The following UBL3 variants were observed in gnomAD, a reference collection of about 807,000 sequenced individuals.
UBL3 encodes ubiquitin like 3, also known as ubiquitin-like protein 3.
UBL3 carries 6 observed loss-of-function variants against 18.4 expected under a neutral mutation model. The ratio of observed to expected loss-of-function variants is 0.33; its 90% confidence interval spans 0.18 to 0.64. UBL3 has a LOEUF of 0.64. Ranked by LOEUF, UBL3 falls within the 30% of genes least tolerant of loss-of-function variation. UBL3 has a pLI of 0.76. For synonymous variants in UBL3, 49 were observed against 46.6 expected (o/e 1.05, Z -0.21); for missense variants, 109 against 142.9 (o/e 0.76, Z 1.21).
chr13:29,779,206 A>T (rs1877079452), intron 1 of UBL3: 1 of 501,376 alleles, frequency 2.0e-6, no homozygotes, highest in Non-Finnish European at 4.0e-6. Context: ...CAAGGAACCT[A>T]ACATCTATGC....
intron 2 of UBL3, among the ~76,000 whole-genome samples, chr13:29,774,382 A>T (rs1314196483): frequency 6.6e-6 from 1 of 152,056 alleles, no homozygotes; most frequent in Non-Finnish European, 1.5e-5. Flanking sequence ...ATCAAAAGCT[A>T]TTACTTACTA....
At chr13:29,800,765 C>CA (rs1877739742) in intron 1 of UBL3, among the ~76,000 whole-genome samples, 1 of 152,200 alleles carries the variant, frequency 6.6e-6, no homozygotes, top group Non-Finnish European at 1.5e-5. Flanking sequence ...CCCTAAGTAA[C>CA]AAACACTCAG....
Position 29,765,304 on chromosome 13 carries a change from C to G in UBL3, c.*1951G>C, listed in dbSNP as rs966264716. ...TTTAATTGCCCAATTAAGCAACTAC[C>G]AGATTCTTTAGTCAACACTAACAGA... On this transcript the variant is annotated 3_prime_UTR_variant, in exon 5 of 5. Transcript: ENST00000380680. The G allele has an allele frequency of 6.6e-6, 1 of 152,054 alleles. No homozygotes were observed. The highest frequency in any genetic ancestry group is 2.4e-5 in the African/African-American group (1 of 41,428). The allele number at this position is 152,054 out of a possible 1,614,324, so 9.4% of individuals were successfully genotyped here.
chr13:29,813,472 T>C (rs1389185077), intron 1 of UBL3, among the ~76,000 whole-genome samples: 1 of 152,016 alleles, frequency 6.6e-6, no homozygotes, highest in Non-Finnish European at 1.5e-5. Flanking sequence ...ATATGAAAAG[T>C]TGTAAAGTTG....
intron 1 of UBL3, among the ~76,000 whole-genome samples, chr13:29,826,718 T>C (rs1315082373): frequency 2.0e-5 from 3 of 152,228 alleles, no homozygotes; most frequent in Non-Finnish European, 4.4e-5. Context: ...ATTTCTTGCC[T>C]TCTGCTAGCT....
At chr13:29,792,334 A>T (rs1877503653) in intron 1 of UBL3, among the ~76,000 whole-genome samples, 1 of 152,218 alleles carries the variant, frequency 6.6e-6, no homozygotes, top group South Asian at 2.1e-4. Flanking sequence ...ATTTCCCACA[A>T]CTATTTTGGA....
chr13:29,831,067 C>T (rs1024761816), intron 1 of UBL3, among the ~76,000 whole-genome samples: 4 of 151,820 alleles, frequency 2.6e-5, no homozygotes, highest in African/African-American at 9.7e-5. Context: ...CCTTTTCTCA[C>T]GTTCATAATT....
chr13:29,832,740 C>G (rs1206660575), intron 1 of UBL3, among the ~76,000 whole-genome samples: 2 of 152,162 alleles, frequency 1.3e-5, no homozygotes, highest in African/African-American at 4.8e-5. Flanking sequence ...AGCAGCTATC[C>G]TGCCACTCTG....
At chr13:29,803,911 C>A (rs1433483709) in intron 1 of UBL3, among the ~76,000 whole-genome samples, 2 of 151,918 alleles carry the variant, frequency 1.3e-5, no homozygotes, top group African/African-American at 2.4e-5. Flanking sequence ...ATTTTCAAGA[C>A]CTGAACTTGA....
intron 3 of UBL3, among the ~76,000 whole-genome samples, chr13:29,770,824 A>AT (rs1876822036): frequency 9.0e-5 from 2 of 22,230 alleles, no homozygotes; most frequent in Admixed American, 9.5e-4. Context: ...CAAAAGCTAT[A>AT]AAAAAAAAGC....
intron 1 of UBL3, among the ~76,000 whole-genome samples, chr13:29,830,094 T>G (rs561148183): frequency 1.2e-4 from 18 of 152,310 alleles, no homozygotes; most frequent in African/African-American, 3.8e-4. Flanking sequence ...TATAAGTTAT[T>G]CAAGTCACCT....
intron 1 of UBL3, among the ~76,000 whole-genome samples, chr13:29,831,630 T>TTA (rs538105162): frequency 5.0e-4 from 75 of 149,380 alleles, no homozygotes; most frequent in African/African-American, 1.7e-3. Context: ...ACAAGCTTGA[T>TTA]TATATGTCTT....
chr13:29,821,014 A>G (rs1301340935), intron 1 of UBL3, among the ~76,000 whole-genome samples: 1 of 152,204 alleles, frequency 6.6e-6, no homozygotes. Context: ...TCCATGTTTC[A>G]GCTTCCTTAT....
At chr13:29,825,652 G>A (rs997062905) in intron 1 of UBL3, among the ~76,000 whole-genome samples, 3 of 152,098 alleles carry the variant, frequency 2.0e-5, no homozygotes, top group Non-Finnish European at 4.4e-5. Context: ...CTGCAAACAG[G>A]GACAATTTAA....
At chr13:29,832,399 C>T (rs748603210) in intron 1 of UBL3, among the ~76,000 whole-genome samples, 60 of 150,400 alleles carry the variant, frequency 4.0e-4, no homozygotes, top group Admixed American at 8.6e-4. Context: ...GTGGCGCTAT[C>T]TCGGCTCACT....
chr13:29,822,446 G>T (rs1265185918), intron 1 of UBL3, among the ~76,000 whole-genome samples: 1 of 152,244 alleles, frequency 6.6e-6, no homozygotes, highest in South Asian at 2.1e-4. Context: ...TCAAACCTCT[G>T]CTCCTTTTGA....
At chr13:29,803,202 G>A (rs572690590) in intron 1 of UBL3, among the ~76,000 whole-genome samples, 2 of 152,140 alleles carry the variant, frequency 1.3e-5, no homozygotes, top group South Asian at 4.2e-4. Context: ...TTTTAGATAG[G>A]CAAATGCTAA....
Position 29,849,706 on chromosome 13 carries a change from T to C in UBL3, c.-168A>G, listed in dbSNP as rs917297563. The C allele has an allele frequency of 9.3e-6, 8 of 864,828 alleles. No individual in the cohort carries two copies. The Admixed American group carries it at 1.8e-4, about 20-fold the overall frequency. 53.6% of individuals were successfully genotyped at this position (864,828 alleles called of 1,614,324 possible). A position where few individuals can be genotyped will look rare whatever the true frequency, so the allele number is the denominator to read the frequency against. On this transcript the variant is annotated 5_prime_UTR_variant, in exon 1 of 5. Coordinates refer to ENST00000380680, the MANE Select transcript of UBL3 (RefSeq NM_007106.4). The stretch of plus-strand genomic sequence containing the variant: ...GCCAAAGTGCCGGTCAGGCCGAGGT[T>C]CTGGTTCGAAGAGGAACAATCCCCA...
intron 1 of UBL3, among the ~76,000 whole-genome samples, chr13:29,817,688 TTTG>T (rs1339380647): frequency 1.3e-5 from 2 of 152,188 alleles, no homozygotes; most frequent in Non-Finnish European, 2.9e-5. Context: ...TAAAATCCAA[TTTG>T]TTAAGTGAAA....
Sources: gnomAD v4.1 joint callset for allele counts (sites outside exome capture counted in the v4.1 genomes callset) on GRCh38, gnomAD v4.1.1 for gene constraint, MANE v1.5 for transcripts, NCBI Gene and HGNC (gene_info 2026-07-23, HGNC 2026-07-21) for gene names.